Variants in SFMBT2 observed in about 807,000 individuals in gnomAD.
The protein encoded by SFMBT2 is scm-like with four MBT domains protein 2.
SFMBT2 carries 38 observed loss-of-function variants against 110.1 expected under a neutral mutation model. The ratio of observed to expected loss-of-function variants is 0.35; its 90% confidence interval spans 0.27 to 0.45. The LOEUF (loss-of-function observed/expected upper bound fraction) is 0.45. Among genes scored for constraint, SFMBT2 ranks in the 20% least tolerant of loss-of-function variants. SFMBT2 has a pLI of 1.00. For missense variants in SFMBT2, 1,011 were observed against 1,094.9 expected (o/e 0.92, Z 1.08); for synonymous variants, 425 against 425.4 (o/e 1.00, Z 0.01).
Position 7,171,504 on chromosome 10 carries a change from T to C in SFMBT2, c.2415+391A>G, listed in dbSNP as rs1048382153. On this transcript the variant is annotated intron_variant, in intron 19 of 20. Coordinates refer to ENST00000397167, the MANE Select transcript of SFMBT2 (RefSeq NM_001387889.1). The surrounding 1 kb of genome is among the most constrained non-coding windows in gnomAD (Gnocchi z 4.9). ...GGGGAGACCTGAAACACTGATTAAA[T>C]ATTTTAAAACATCACAGAGGTGTCC... 1.0e-6 allele frequency: 1 copy of C among 985,228 alleles called. No homozygotes were observed. Among genetic ancestry groups the C allele is most frequent in the African/African-American group, 1.7e-5 (1 of 57,220 alleles). The allele number at this position is 985,228 out of a possible 1,614,324, so 61.0% of individuals were successfully genotyped here. A position where few individuals can be genotyped will look rare whatever the true frequency, so the allele number is the denominator to read the frequency against.
chr10:7,175,111 G>A (rs560894668), intron 17 of SFMBT2, among the ~76,000 whole-genome samples: 1 of 152,236 alleles, frequency 6.6e-6, no homozygotes. Context: ...TGGCCACATG[G>A]CCAAGCCCTT....
At chr10:7,188,063 A>G (rs529933455) in intron 16 of SFMBT2, among the ~76,000 whole-genome samples, 1 of 152,342 alleles carries the variant, frequency 6.6e-6, no homozygotes, top group South Asian at 2.1e-4. Context: ...CAAGAAACCT[A>G]AAGAAAGCAA....
chr10:7,173,895 G>A (rs1461463022), intron 17 of SFMBT2, among the ~76,000 whole-genome samples: 2 of 152,110 alleles, frequency 1.3e-5, no homozygotes, highest in East Asian at 1.9e-4. Flanking sequence ...CTGAGTCGTG[G>A]GCTTTGTCCT....
intron 12 of SFMBT2, chr10:7,204,063 A>G (rs1839047481): frequency 4.1e-6 from 1 of 242,402 alleles, no homozygotes; most frequent in African/African-American, 2.3e-5. Context: ...TGTCCCTGGG[A>G]TTAAAATAAT....
At chr10:7,345,348 CA>C (rs916852717) in intron 4 of SFMBT2, among the ~76,000 whole-genome samples, 2 of 152,116 alleles carry the variant, frequency 1.3e-5, no homozygotes, top group African/African-American at 4.8e-5. Flanking sequence ...CTAATAACTA[CA>C]AAAATATTTA....
chr10:7,257,205 A>C (rs1261343684), intron 7 of SFMBT2, among the ~76,000 whole-genome samples: 1 of 152,128 alleles, frequency 6.6e-6, no homozygotes, highest in Non-Finnish European at 1.5e-5. Context: ...GACAAACTGC[A>C]ATATCTTGGT....
intron 4 of SFMBT2, chr10:7,295,171 A>C (rs1395130062): frequency 6.6e-6 from 1 of 152,248 alleles, no homozygotes; most frequent in African/African-American, 2.4e-5. Flanking sequence ...ATAGAATTAT[A>C]ATTCTTGTAG....
chr10:7,236,542 G>T (rs1007424109), intron 9 of SFMBT2, among the ~76,000 whole-genome samples: 18 of 152,256 alleles, frequency 1.2e-4, no homozygotes, highest in African/African-American at 3.9e-4. Context: ...GGAAACAGCA[G>T]ACCATTCAAC....
At chr10:7,256,519 C>G (rs576539812) in intron 7 of SFMBT2, among the ~76,000 whole-genome samples, 1 of 152,252 alleles carries the variant, frequency 6.6e-6, no homozygotes, top group Non-Finnish European at 1.5e-5. Context: ...TGTTTACCTA[C>G]AGCCAGTCAC....
At chr10:7,395,734 C>T (rs143797808) in intron 1 of SFMBT2, among the ~76,000 whole-genome samples, 49 of 149,426 alleles carry the variant, frequency 3.3e-4, no homozygotes, top group Admixed American at 7.9e-4. Context: ...GTAACAGTCT[C>T]CATTTTCATC....
At position 7,243,848 on chromosome 10, in the gene SFMBT2, C is replaced by T. The variant is rs1383839955; in HGVS notation, c.973-143G>A. ...AATACAAACTGGCATTTTCAATGTC[C>T]ATTACTAAATTAATTCAGCTGATAA... On this transcript the variant is annotated intron_variant, in intron 8 of 20. Coordinates refer to ENST00000397167, the MANE Select transcript of SFMBT2 (RefSeq NM_001387889.1). The T allele has an allele frequency of 9.5e-6, 6 of 629,686 alleles. No homozygotes were observed. The Admixed American group carries it at 1.2e-4, about 12-fold the overall frequency. 39.0% of individuals were successfully genotyped at this position (629,686 alleles called of 1,614,324 possible).
At chr10:7,381,211 A>T (rs1018441268) in intron 2 of SFMBT2, among the ~76,000 whole-genome samples, 51 of 151,986 alleles carry the variant, frequency 3.4e-4, no homozygotes, top group African/African-American at 1.2e-3. Context: ...AATCCGCATG[A>T]CCTCACTTCC....
chr10:7,171,754 C>T lies in SFMBT2; in HGVS notation c.2415+141G>A, dbSNP rs942294094. Reference sequence around the variant, plus strand: ...CAGAGGTGAAGTGCCAGCCTTTGTTCCTGACTTGGGAACTAGCTAGAGCAG... The same window carrying T: ...CAGAGGTGAAGTGCCAGCCTTTGTTTCTGACTTGGGAACTAGCTAGAGCAG... On this transcript the variant is annotated intron_variant, in intron 19 of 20. Coordinates refer to ENST00000397167, the MANE Select transcript of SFMBT2 (RefSeq NM_001387889.1). This position sits in a 1 kb window ranked among gnomAD's most constrained non-coding sequence, Gnocchi z 4.9. 3.9e-6 allele frequency: 4 copies of T among 1,034,618 alleles called. No individual in the cohort carries two copies. Among genetic ancestry groups the T allele is most frequent in the Non-Finnish European group, 3.8e-6 (3 of 790,006 alleles). The allele number at this position is 1,034,618 out of a possible 1,614,324, so 64.1% of individuals were successfully genotyped here. A position where few individuals can be genotyped will look rare whatever the true frequency, so the allele number is the denominator to read the frequency against.
At chr10:7,388,817 C>A (rs1030423754) in intron 1 of SFMBT2, among the ~76,000 whole-genome samples, 3 of 152,092 alleles carry the variant, frequency 2.0e-5, no homozygotes, top group Non-Finnish European at 4.4e-5. Flanking sequence ...CCGAGCCCTG[C>A]GTGTCACTCT....
intron 1 of SFMBT2, among the ~76,000 whole-genome samples, chr10:7,382,935 A>C (rs1453353459): frequency 1.3e-5 from 2 of 152,184 alleles, no homozygotes; most frequent in African/African-American, 4.8e-5. Context: ...AGATACCAGG[A>C]GTAATCGTTA....
chr10:7,330,401 A>G (rs931029636), intron 4 of SFMBT2, among the ~76,000 whole-genome samples: 7 of 152,184 alleles, frequency 4.6e-5, no homozygotes, highest in Non-Finnish European at 1.0e-4. Context: ...AGAATCAAAC[A>G]TTAATTAACC....
chr10:7,227,784 A>G, intron 10 of SFMBT2, 71 bp downstream of exon 10: 1 of 1,354,500 alleles, frequency 7.4e-7, no homozygotes, highest in Non-Finnish European at 1.0e-6. Flanking sequence ...ATCAATAAAA[A>G]GCAAGTTATA....
At chr10:7,338,254 A>C (rs1156312244) in intron 4 of SFMBT2, among the ~76,000 whole-genome samples, 1 of 152,224 alleles carries the variant, frequency 6.6e-6, no homozygotes, top group Non-Finnish European at 1.5e-5. Flanking sequence ...TACCTCAAAA[A>C]ATAAGTAAAA....
chr10:7,269,908 A>G (rs1841526429), intron 7 of SFMBT2, among the ~76,000 whole-genome samples: 1 of 151,218 alleles, frequency 6.6e-6, no homozygotes, highest in Non-Finnish European at 1.5e-5. Flanking sequence ...TTCTCTGAAC[A>G]TTACCTTCGT....
Sources: gnomAD v4.1 joint callset for allele counts (sites outside exome capture counted in the v4.1 genomes callset) on GRCh38, gnomAD v4.1.1 for gene constraint, Gnocchi (gnomAD v3.1) non-coding constraint, MANE v1.5 for transcripts, NCBI Gene and HGNC (gene_info 2026-07-23, HGNC 2026-07-21) for gene names.